FBN1: variants seen among roughly 807,000 people sequenced by gnomAD.
FBN1 encodes the protein fibrillin-1.
A neutral mutation model predicts 365.1 loss-of-function variants in FBN1; 29 were observed. The ratio of observed to expected loss-of-function variants is 0.08; its 90% CI spans 0.06 to 0.11. FBN1 has a LOEUF of 0.11. Among genes scored for constraint, FBN1 ranks in the 10% least tolerant of loss-of-function variants. FBN1 has a pLI of 1.00. For missense variants in FBN1, 2,476 were observed against 3,703.2 expected, an observed-to-expected ratio of 0.67 and a Z score of 8.60; for synonymous variants, 1,210 against 1,270.5, an observed-to-expected ratio of 0.95 and a Z score of 1.01.
chr15:48,534,159 A>C lies in FBN1; in HGVS notation c.783T>G (p.Asn261Lys). Residue 261 changes from asparagine to lysine, a missense_variant, in exon 8 of 66, where the codon AAT becomes AAG. Transcript: ENST00000316623. ...CAAAAGACCCAACAGTATTAATGCA[A>C]TTTCCTCCCTGACAGAGCCCGGGGA... ...QAIPGLCQGG[N>K]CINTVGSFEC... The C allele has an allele frequency of 6.2e-7, 1 of 1,613,664 alleles. No individual in the cohort carries two copies. The highest frequency in any genetic ancestry group is 8.5e-7 in the Non-Finnish European group (1 of 1,179,840).
chr15:48,583,802 T>A (rs894616702), intron 6 of FBN1, among the ~76,000 whole-genome samples: 2 of 152,226 alleles, frequency 1.3e-5, no homozygotes, highest in African/African-American at 4.8e-5. Flanking sequence ...TCTTTATTAC[T>A]ATTTGCACTA....
At chr15:48,492,855 G>A (rs1020845755) in intron 23 of FBN1, among the ~76,000 whole-genome samples, 3 of 152,214 alleles carry the variant, frequency 2.0e-5, no homozygotes, top group Non-Finnish European at 4.4e-5. Flanking sequence ...AGTTCTTGGA[G>A]ACAGCTCTGG....
chr15:48,545,480 A>G (rs986368522), intron 6 of FBN1, among the ~76,000 whole-genome samples: 2 of 152,174 alleles, frequency 1.3e-5, no homozygotes, highest in Admixed American at 6.5e-5. Context: ...TAAAATATCA[A>G]TCGATTGCAG....
Position 48,537,689 on chromosome 15 carries a change from G to C in FBN1, c.658C>G (p.Pro220Ala). 1.2e-6 allele frequency: 2 copies of C among 1,614,220 alleles called. No individual in the cohort carries two copies. Among genetic ancestry groups the C allele is most frequent in the Non-Finnish European group, 1.7e-6 (2 of 1,180,040 alleles). ...GGCTGGGCAGGACACATCTCACAGG[G>C]GTGGCCCCAGGCTCGGCCGACTGTG... Reference protein sequence around the residue: ...CATVGRAWGHPCEMCPAQPHP... With the variant: ...CATVGRAWGHACEMCPAQPHP... Residue 220 changes from proline (P) to alanine (A), a missense_variant, in exon 7 of 66, where the codon CCC (proline) becomes GCC (alanine). Physicochemically the swap from Pro to Ala is conservative, Grantham distance 27. This residue lies in a region of FBN1 where 421 missense variants were observed against 520.1 expected (regional missense o/e 0.81). Coordinates refer to ENST00000316623, the MANE Select transcript of FBN1 (RefSeq NM_000138.5).
Position 48,435,633 on chromosome 15 carries a change from C to T in FBN1, c.6497-920G>A, listed in dbSNP as rs958664476. On this transcript the variant is annotated intron_variant, in intron 53 of 65. Coordinates refer to ENST00000316623, the MANE Select transcript of FBN1 (RefSeq NM_000138.5). Reference sequence around the variant, plus strand: ...GGTTATGACCGCTCTAAAACACAGGCGGAGAGAACAAATCTTTGACCAGAG... The same window carrying T: ...GGTTATGACCGCTCTAAAACACAGGTGGAGAGAACAAATCTTTGACCAGAG... Among the ~76,000 whole-genome samples, 4 of 149,440 alleles carry T rather than the reference C, an allele frequency of 2.7e-5. No homozygotes were observed. In the South Asian group the frequency reaches 6.4e-4, roughly 24 times the overall value.
chr15:48,525,777 G>A (rs1017800889), intron 9 of FBN1, among the ~76,000 whole-genome samples: 1 of 152,114 alleles, frequency 6.6e-6, no homozygotes, highest in Non-Finnish European at 1.5e-5. Flanking sequence ...AAAAATTCAG[G>A]CCAAATTAAC....
intron 45 of FBN1, 120 bp from the exon 46 acceptor site, chr15:48,449,013 T>A (rs535804684): frequency 5.2e-5 from 43 of 823,752 alleles, no homozygotes; most frequent in African/African-American, 5.1e-4. Flanking sequence ...GAAACAGATA[T>A]ATTTATTTTT....
At chr15:48,481,428 A>G (rs1255918554) in intron 32 of FBN1, among the ~76,000 whole-genome samples, 9 of 152,206 alleles carry the variant, frequency 5.9e-5, no homozygotes, top group Non-Finnish European at 8.8e-5. Context: ...TAATTTATTC[A>G]ATACACCTTT....
chr15:48,500,498 C>T (rs1430114657), intron 17 of FBN1, among the ~76,000 whole-genome samples: 1 of 152,142 alleles, frequency 6.6e-6, no homozygotes, highest in Non-Finnish European at 1.5e-5. Flanking sequence ...TCCCATTTCA[C>T]CTGGTGGCTG....
At chr15:48,560,349 T>C (rs1276018837) in intron 6 of FBN1, among the ~76,000 whole-genome samples, 1 of 152,162 alleles carries the variant, frequency 6.6e-6, no homozygotes, top group African/African-American at 2.4e-5. Flanking sequence ...TAAGTCTTGT[T>C]TCCTTATCCT....
intron 32 of FBN1, among the ~76,000 whole-genome samples, chr15:48,481,446 C>G (rs543999051): frequency 6.6e-6 from 1 of 151,996 alleles, no homozygotes; most frequent in Admixed American, 6.5e-5. Context: ...TTTTTCCCCC[C>G]ACAGGTCAAG....
chr15:48,437,522 G>A (rs943218273), intron 51 of FBN1, 135 bp from the exon 52 acceptor site: 16 of 886,310 alleles, frequency 1.8e-5, no homozygotes, highest in Non-Finnish European at 2.9e-5. Flanking sequence ...CCAGAAACCA[G>A]AGGAAGTTAT....
intron 6 of FBN1, among the ~76,000 whole-genome samples, chr15:48,555,004 C>A (rs2044168925): frequency 6.6e-6 from 1 of 152,166 alleles, no homozygotes; most frequent in Non-Finnish European, 1.5e-5. Flanking sequence ...TAATTGGTTT[C>A]TTCAACGTGA....
intron 6 of FBN1, among the ~76,000 whole-genome samples, chr15:48,573,118 A>G (rs1318583451): frequency 6.6e-6 from 1 of 152,210 alleles, no homozygotes; most frequent in East Asian, 1.9e-4. Flanking sequence ...GCATTATCCG[A>G]AAACAGGAGG....
intron 6 of FBN1, among the ~76,000 whole-genome samples, chr15:48,557,586 C>A (rs148975468): frequency 2.6e-3 from 399 of 152,236 alleles, no homozygotes; most frequent in African/African-American, 9.3e-3. Context: ...GTCAGTACAA[C>A]GGGCGTGTCA....
intron 32 of FBN1, among the ~76,000 whole-genome samples, chr15:48,476,304 C>G (rs1380632687): frequency 6.6e-6 from 1 of 152,150 alleles, no homozygotes; most frequent in African/African-American, 2.4e-5. Flanking sequence ...GGAGTTTTGC[C>G]TAAATTTCTC....
intron 48 of FBN1, among the ~76,000 whole-genome samples, chr15:48,445,167 TACACAC>T (rs769085069): frequency 7.1e-6 from 1 of 140,482 alleles, no homozygotes; most frequent in Non-Finnish European, 1.5e-5. Context: ...CATATATATA[TACACAC>T]ATATATATAT....
intron 17 of FBN1, among the ~76,000 whole-genome samples, chr15:48,502,491 G>C (rs2043669709): frequency 6.6e-6 from 1 of 151,824 alleles, no homozygotes; most frequent in South Asian, 2.1e-4. Context: ...GTTTCCTTTA[G>C]GGCAGAAATA....
chr15:48,614,217 A>T (rs775777497), intron 2 of FBN1, among the ~76,000 whole-genome samples: 2 of 152,242 alleles, frequency 1.3e-5, no homozygotes, highest in Non-Finnish European at 2.9e-5. Context: ...GCTAGCTGCT[A>T]GCGATCAGGG....
Sources: gnomAD v4.1 joint callset for allele counts (sites outside exome capture counted in the v4.1 genomes callset) on GRCh38, gnomAD v4.1.1 for gene constraint, gnomAD v4.1.1 regional missense constraint, MANE v1.5 for transcripts, NCBI Gene and HGNC (gene_info 2026-07-23, HGNC 2026-07-21) for gene names.